Variants in PPM1D observed in about 807,000 individuals in gnomAD.
PPM1D encodes the protein protein phosphatase 1D.
A neutral mutation model predicts 58.3 loss-of-function variants in PPM1D; 52 were observed. That is an observed-to-expected ratio of 0.89 (90% CI 0.71 to 1.12). The LOEUF (loss-of-function observed/expected upper bound fraction) is 1.12, where lower values mean the gene tolerates loss of function less well. PPM1D is among the 50% of genes most tolerant of loss of function. The probability of loss-of-function intolerance (pLI) is 0.00; values close to 1 mark genes in which losing one functional copy is unlikely to be tolerated. For synonymous variants in PPM1D, 278 were observed against 285.1 expected, an observed-to-expected ratio of 0.98 and a Z score of 0.25; for missense variants, 564 against 777.2, an observed-to-expected ratio of 0.73 and a Z score of 3.26.
chr17:60,605,083 C>G (rs1170518516), intron 1 of PPM1D, among the ~76,000 whole-genome samples: 1 of 152,046 alleles, frequency 6.6e-6, no homozygotes, highest in Non-Finnish European at 1.5e-5. Context: ...CGGCCTCCCA[C>G]AGGCATGAGC....
At chr17:60,637,927 A>G (rs1435391374) in intron 3 of PPM1D, among the ~76,000 whole-genome samples, 1 of 152,244 alleles carries the variant, frequency 6.6e-6, no homozygotes, top group Non-Finnish European at 1.5e-5. Flanking sequence ...AGTGTTTCAA[A>G]TACTGTTGTC....
intron 3 of PPM1D, among the ~76,000 whole-genome samples, chr17:60,639,658 G>A (rs891385569): frequency 9.9e-5 from 15 of 152,048 alleles, no homozygotes; most frequent in Non-Finnish European, 1.9e-4. Context: ...GGCTGGTCTC[G>A]AACTCCTGAC....
intron 1 of PPM1D, among the ~76,000 whole-genome samples, chr17:60,613,790 C>T (rs866116869): frequency 7.2e-5 from 11 of 152,296 alleles, no homozygotes; most frequent in Middle Eastern, 3.4e-3. Flanking sequence ...CCGGGTCCCC[C>T]AGCAGTGCTG....
At chr17:60,603,500 C>T (rs936409411) in intron 1 of PPM1D, among the ~76,000 whole-genome samples, 2 of 152,184 alleles carry the variant, frequency 1.3e-5, no homozygotes, top group Admixed American at 6.5e-5. Context: ...GCCGGGCGCA[C>T]GCCTGTAATC....
chr17:60,623,947 A>G (rs1462023513), intron 2 of PPM1D, among the ~76,000 whole-genome samples, 198 bp downstream of exon 2: 5 of 152,174 alleles, frequency 3.3e-5, no homozygotes, highest in Non-Finnish European at 7.3e-5. Context: ...TTTATTTCTG[A>G]TAATGACTCT....
chr17:60,603,375 T>G (rs2030260832), intron 1 of PPM1D, among the ~76,000 whole-genome samples: 1 of 152,230 alleles, frequency 6.6e-6, no homozygotes, highest in Non-Finnish European at 1.5e-5. Flanking sequence ...TATATATATA[T>G]TTTAAAGAAA....
chr17:60,665,192 A>C lies in PPM1D; in HGVS notation c.*1640A>C, dbSNP rs2031596456. The stretch of plus-strand genomic sequence containing the variant: ...TCACATGTCAGTCATGCTGGTCTTG[A>C]TCTCCTGACCTCGTGATCCACCCGC... On this transcript the variant is annotated 3_prime_UTR_variant, in exon 6 of 6. Coordinates refer to ENST00000305921, the MANE Select transcript of PPM1D (RefSeq NM_003620.4). The C allele has an allele frequency of 6.6e-6, 1 of 151,704 alleles. No individual in the cohort carries two copies. Among genetic ancestry groups the C allele is most frequent in the African/African-American group, 2.4e-5 (1 of 41,228 alleles). 9.4% of individuals were successfully genotyped at this position (151,704 alleles called of 1,614,324 possible).
At chr17:60,618,506 T>A (rs2030630723) in intron 1 of PPM1D, among the ~76,000 whole-genome samples, 1 of 152,226 alleles carries the variant, frequency 6.6e-6, no homozygotes, top group Non-Finnish European at 1.5e-5. Flanking sequence ...CAGCACTATC[T>A]CATTGTGGTT....
Position 60,647,992 on chromosome 17 carries a change from T to A in PPM1D, c.927T>A (p.Ile309=). ...HTLDPQKHKY[I]ILGSDGLWNM... is the part of the protein sequence containing the mutation. Reference sequence around the variant, plus strand: ...TTGACCCTCAGAAGCACAAGTATATTATATTGGGGAGTGATGGACTTTGGA... The same window carrying A: ...TTGACCCTCAGAAGCACAAGTATATAATATTGGGGAGTGATGGACTTTGGA... The change falls in exon 4 of 6, where the codon ATT becomes ATA. Residue 309 remains isoleucine (I), a synonymous_variant. Transcript: ENST00000305921. 6.2e-7 allele frequency: 1 copy of A among 1,614,010 alleles called. No homozygotes were observed. The highest frequency in any genetic ancestry group is 1.3e-5 in the African/African-American group (1 of 75,044).
chr17:60,635,509 C>T (rs2031006833), intron 3 of PPM1D, among the ~76,000 whole-genome samples: 1 of 152,222 alleles, frequency 6.6e-6, no homozygotes, highest in Admixed American at 6.5e-5. Flanking sequence ...GCCACTGTGC[C>T]TGGCAAGATT....
chr17:60,625,960 C>T (rs2030798821), intron 2 of PPM1D, among the ~76,000 whole-genome samples: 1 of 152,050 alleles, frequency 6.6e-6, no homozygotes, highest in African/African-American at 2.4e-5. Context: ...ACCTCGTTCC[C>T]CTCCACTTGC....
At chr17:60,627,359 T>G (rs1419369274) in intron 2 of PPM1D, among the ~76,000 whole-genome samples, 1 of 152,116 alleles carries the variant, frequency 6.6e-6, no homozygotes. Flanking sequence ...TCTTCCCATG[T>G]TAGTCTCTTG....
At chr17:60,626,452 T>TG (rs2143660384) in intron 2 of PPM1D, among the ~76,000 whole-genome samples, 1 of 151,774 alleles carries the variant, frequency 6.6e-6, no homozygotes, top group African/African-American at 2.4e-5. Context: ...TGGAGTGCAG[T>TG]GGCGCGATCT....
chr17:60,660,457 G>A (rs570546952), intron 5 of PPM1D, among the ~76,000 whole-genome samples: 5 of 152,244 alleles, frequency 3.3e-5, no homozygotes, highest in African/African-American at 1.2e-4. Context: ...ATATATATAT[G>A]TGTTTTTCAG....
intron 2 of PPM1D, among the ~76,000 whole-genome samples, chr17:60,627,345 A>G (rs550608944): frequency 6.6e-6 from 1 of 152,124 alleles, no homozygotes; most frequent in Non-Finnish European, 1.5e-5. Context: ...GCAACCTCAA[A>G]TGATCTTCCC....
chr17:60,601,856 C>T (rs999255816), intron 1 of PPM1D, among the ~76,000 whole-genome samples: 1 of 152,122 alleles, frequency 6.6e-6, no homozygotes, highest in Non-Finnish European at 1.5e-5. Flanking sequence ...AATTGCTTAT[C>T]TATTGCAGTG....
chr17:60,657,256 A>G (rs2031458395), intron 5 of PPM1D: 1 of 319,282 alleles, frequency 3.1e-6, no homozygotes, highest in African/African-American at 2.3e-5. Context: ...ATTGAGCTGG[A>G]CCTGAGGATA....
At chr17:60,600,969 G>A (rs756719078) in intron 1 of PPM1D, 83 bp downstream of exon 1, 3 of 1,577,256 alleles carry the variant, frequency 1.9e-6, no homozygotes, top group Non-Finnish European at 2.6e-6. Flanking sequence ...GTGGGCCCCC[G>A]GCACCCAGAG....
intron 3 of PPM1D, among the ~76,000 whole-genome samples, chr17:60,640,381 C>T (rs2031109848): frequency 1.3e-5 from 2 of 152,130 alleles, no homozygotes; most frequent in Non-Finnish European, 1.5e-5. Flanking sequence ...GGAAACATAA[C>T]CAGATTTGTG....
Sources: allele counts gnomAD v4.1 joint callset (sites outside exome capture counted in the v4.1 genomes callset), GRCh38; gene constraint gnomAD v4.1.1; transcripts MANE v1.5; gene names NCBI Gene and HGNC (gene_info 2026-07-23, HGNC 2026-07-21).